Variants in EEPD1 observed in about 807,000 individuals in gnomAD.
The protein encoded by EEPD1 is endonuclease/exonuclease/phosphatase family domain-containing protein 1.
Under a neutral mutation model 46.3 loss-of-function variants are expected in EEPD1, and 17 were observed. The ratio of observed to expected loss-of-function variants is 0.37; its 90% CI spans 0.25 to 0.55. EEPD1 has a LOEUF of 0.55. EEPD1 is among the 20% of genes least tolerant of loss of function. EEPD1 has a pLI of 0.83. For missense variants in EEPD1, 673 were observed against 745.6 expected, an observed-to-expected ratio of 0.90 and a Z score of 1.13; for synonymous variants, 313 against 315.6, an observed-to-expected ratio of 0.99 and a Z score of 0.09.
At chr7:36,162,110 A>C (rs1784907537) in intron 2 of EEPD1, among the ~76,000 whole-genome samples, 1 of 152,198 alleles carries the variant, frequency 6.6e-6, no homozygotes, top group African/African-American at 2.4e-5. Context: ...AAATGCCACA[A>C]AAATGTCCTG....
intron 2 of EEPD1, among the ~76,000 whole-genome samples, chr7:36,199,764 A>G (rs1785683201): frequency 6.6e-6 from 1 of 152,128 alleles, no homozygotes; most frequent in Non-Finnish European, 1.5e-5. Context: ...GTGGTTCCCA[A>G]CAGTGAGGGA....
chr7:36,287,856 C>A, intron 6 of EEPD1, 79 bp downstream of exon 6: 1 of 1,547,324 alleles, frequency 6.5e-7, no homozygotes, highest in South Asian at 1.2e-5. Context: ...CATCTCTGAC[C>A]ACTTGGGCTG....
At position 36,257,828 on chromosome 7, in the gene EEPD1, G is replaced by A. The variant is rs556558199; in HGVS notation, c.930+18792G>A. 2.0e-5 allele frequency among the ~76,000 whole-genome samples: 3 copies of A among 152,274 alleles called. No individual in the cohort carries two copies. The South Asian group carries it at 6.2e-4, about 32-fold the overall frequency. On this transcript the variant is annotated intron_variant, in intron 3 of 7. Coordinates refer to ENST00000242108, the MANE Select transcript of EEPD1 (RefSeq NM_030636.3). ...CACCTTCTGAAGCCTACTTCTGTCA[G>A]TTCGTCAAACTCAATTTCTGTCCAG...
chr7:36,211,411 A>C (rs972834148), intron 2 of EEPD1, among the ~76,000 whole-genome samples: 2 of 152,144 alleles, frequency 1.3e-5, no homozygotes, highest in African/African-American at 4.8e-5. Context: ...GTAGGGAGAC[A>C]AGAAGGATAA....
At chr7:36,259,317 T>C (rs1293897318) in intron 3 of EEPD1, among the ~76,000 whole-genome samples, 1 of 152,102 alleles carries the variant, frequency 6.6e-6, no homozygotes, top group African/African-American at 2.4e-5. Flanking sequence ...CCCATATATA[T>C]CTTAACTTAC....
rs1786212161 is a variant in EEPD1 at position 36,225,169 on chromosome 7, G to T, written c.879-13816G>T. ...TCCAGAACTGAGGGAATGACTTTCT[G>T]TTGTGTTAAGTCACCAAGTTTGTGA... On this transcript the variant is annotated intron_variant, in intron 2 of 7. Transcript: ENST00000242108. This position sits in a 1 kb window ranked among gnomAD's most constrained non-coding sequence, Gnocchi z 4.2. 6.6e-6 allele frequency among the ~76,000 whole-genome samples: 1 copy of T among 152,186 alleles called. No individual in the cohort carries two copies.
At chr7:36,241,728 G>A (rs564505144) in intron 3 of EEPD1, among the ~76,000 whole-genome samples, 7 of 152,126 alleles carry the variant, frequency 4.6e-5, no homozygotes, top group Admixed American at 2.0e-4. Flanking sequence ...TTAGCCAGGC[G>A]GTAGTGGCAT....
At chr7:36,219,449 G>A (rs544056521) in intron 2 of EEPD1, among the ~76,000 whole-genome samples, 1 of 150,706 alleles carries the variant, frequency 6.6e-6, no homozygotes, top group South Asian at 2.1e-4. Context: ...CGAGGCAAGA[G>A]GATTGCTTGA....
chr7:36,245,162 G>A (rs1208828917), intron 3 of EEPD1, among the ~76,000 whole-genome samples: 1 of 152,082 alleles, frequency 6.6e-6, no homozygotes, highest in Non-Finnish European at 1.5e-5. Context: ...TGGCCAGGCT[G>A]GTCTTGATCT....
chr7:36,218,837 G>A (rs1466984649), intron 2 of EEPD1, among the ~76,000 whole-genome samples: 5 of 152,108 alleles, frequency 3.3e-5, no homozygotes, highest in South Asian at 2.1e-4. Flanking sequence ...GCTTAGGATG[G>A]GAACATTAGA....
At chr7:36,272,166 A>T (rs1200456020) in intron 3 of EEPD1, among the ~76,000 whole-genome samples, 25 of 149,892 alleles carry the variant, frequency 1.7e-4, no homozygotes, top group Non-Finnish European at 3.0e-5. Flanking sequence ...TACAGGCATG[A>T]ACCACCACCC....
chr7:36,275,009 C>T (rs900605089), intron 3 of EEPD1, among the ~76,000 whole-genome samples: 2 of 152,204 alleles, frequency 1.3e-5, no homozygotes, highest in Non-Finnish European at 2.9e-5. Flanking sequence ...TGTGCATCTT[C>T]ATCCACCAAA....
intron 2 of EEPD1, among the ~76,000 whole-genome samples, chr7:36,160,189 G>A (rs1012981076): frequency 2.0e-5 from 3 of 152,186 alleles, no homozygotes; most frequent in Admixed American, 6.5e-5. Flanking sequence ...TCTGTTTGGA[G>A]CTCTCACTAG....
chr7:36,184,946 G>A (rs1186300031), intron 2 of EEPD1, among the ~76,000 whole-genome samples: 1 of 152,150 alleles, frequency 6.6e-6, no homozygotes, highest in African/African-American at 2.4e-5. Context: ...GGCCAGGGTG[G>A]TCTTGAACTC....
chr7:36,270,695 C>G (rs902085160), intron 3 of EEPD1, among the ~76,000 whole-genome samples: 1 of 152,112 alleles, frequency 6.6e-6, no homozygotes, highest in Non-Finnish European at 1.5e-5. Flanking sequence ...TTTTCTTCAT[C>G]CAGTATCATT....
At chr7:36,213,508 G>T (rs929273641) in intron 2 of EEPD1, among the ~76,000 whole-genome samples, 2 of 152,208 alleles carry the variant, frequency 1.3e-5, no homozygotes, top group Non-Finnish European at 2.9e-5. Flanking sequence ...CAGAAATATT[G>T]TTCAGATTAT....
At chr7:36,163,059 A>G (rs1009613915) in intron 2 of EEPD1, among the ~76,000 whole-genome samples, 4 of 152,058 alleles carry the variant, frequency 2.6e-5, no homozygotes, top group Admixed American at 6.5e-5. Context: ...TAAAAAAAAC[A>G]CTTCTCTAGA....
At chr7:36,158,697 G>A (rs1181619928) in intron 2 of EEPD1, among the ~76,000 whole-genome samples, 7 of 152,158 alleles carry the variant, frequency 4.6e-5, no homozygotes, top group South Asian at 4.2e-4. Flanking sequence ...TTCCTTGTTC[G>A]GTATTTATGG....
chr7:36,270,890 A>G (rs1428821250), intron 3 of EEPD1, among the ~76,000 whole-genome samples: 1 of 152,218 alleles, frequency 6.6e-6, no homozygotes, highest in Non-Finnish European at 1.5e-5. Flanking sequence ...ACTGTCTTCC[A>G]CAATGGTTGA....
Sources: gnomAD v4.1 joint callset for allele counts (sites outside exome capture counted in the v4.1 genomes callset) on GRCh38, gnomAD v4.1.1 for gene constraint, Gnocchi (gnomAD v3.1) non-coding constraint, MANE v1.5 for transcripts, NCBI Gene and HGNC (gene_info 2026-07-23, HGNC 2026-07-21) for gene names.